TGFBR2: variants seen among roughly 807,000 people sequenced by gnomAD.
TGFBR2 encodes the protein transforming growth factor beta receptor 2, also known as TGF-beta receptor type-2.
Under a neutral mutation model 49.0 loss-of-function variants are expected in TGFBR2, and 18 were observed. That is an observed-to-expected ratio of 0.37 (90% CI 0.25 to 0.54). The LOEUF is 0.54. Among genes scored for constraint, TGFBR2 ranks in the 20% least tolerant of loss-of-function variants. TGFBR2 has a pLI of 0.85. For synonymous variants in TGFBR2, 282 were observed against 275.9 expected (o/e 1.02, Z -0.22); for missense variants, 525 against 722.6 (o/e 0.73, Z 3.13).
At chr3:30,673,146 C>T (rs1420559611) in intron 4 of TGFBR2, among the ~76,000 whole-genome samples, 1 of 152,226 alleles carries the variant, frequency 6.6e-6, no homozygotes, top group East Asian at 1.9e-4. Context: ...CACTCGGTTA[C>T]TGCTCAGTCA....
intron 1 of TGFBR2, among the ~76,000 whole-genome samples, chr3:30,632,687 C>G (rs904413467): frequency 3.9e-5 from 6 of 152,220 alleles, no homozygotes; most frequent in African/African-American, 1.4e-4. Flanking sequence ...GGAATGTTAC[C>G]TTTCTAGCAA....
chr3:30,639,792 A>C (rs1698611944), intron 1 of TGFBR2, among the ~76,000 whole-genome samples: 1 of 152,226 alleles, frequency 6.6e-6, no homozygotes, highest in African/African-American at 2.4e-5. Context: ...CGGTAGATAC[A>C]TGAATTCAAT....
In TGFBR2 at chr3:30,671,634, T is replaced by A. The variant is rs11466512; in HGVS notation, c.455-4T>A. 0.3 allele frequency: 490,968 copies of A among 1,613,682 alleles called. 77,185 individuals are homozygous for A. The highest frequency in any genetic ancestry group is 0.42 in the Admixed American group (24,983 of 60,002). ...CTTCTCTCCTTGTTTTGTTTCCCCATCAGAATATAACACCAGCAATCCTGA... is the reference window on the plus strand; with the variant it reads ...CTTCTCTCCTTGTTTTGTTTCCCCAACAGAATATAACACCAGCAATCCTGA... On this transcript the variant is annotated splice_region_variant and splice_polypyrimidine_tract_variant and intron_variant, in intron 3 of 6. Coordinates refer to ENST00000295754, the MANE Select transcript of TGFBR2 (RefSeq NM_003242.6).
At chr3:30,615,204 G>A (rs1383062034) in intron 1 of TGFBR2, among the ~76,000 whole-genome samples, 7 of 152,152 alleles carry the variant, frequency 4.6e-5, no homozygotes, top group Non-Finnish European at 8.8e-5. Flanking sequence ...CAAATATGTT[G>A]AGGATATAAA....
At chr3:30,627,285 A>G (rs1035318303) in intron 1 of TGFBR2, among the ~76,000 whole-genome samples, 1 of 152,022 alleles carries the variant, frequency 6.6e-6, no homozygotes, top group Non-Finnish European at 1.5e-5. Flanking sequence ...CCTCATAGAC[A>G]TTTTCCTGAC....
chr3:30,621,278 C>CTTTTTT (rs10688941), intron 1 of TGFBR2, among the ~76,000 whole-genome samples: 8 of 116,278 alleles, frequency 6.9e-5, no homozygotes, highest in Non-Finnish European at 1.0e-4. Context: ...TTTTAATATT[C>CTTTTTT]TTTTTTTTTT....
chr3:30,616,339 T>C (rs1160531471), intron 1 of TGFBR2, among the ~76,000 whole-genome samples: 1 of 152,226 alleles, frequency 6.6e-6, no homozygotes, highest in African/African-American at 2.4e-5. Flanking sequence ...ATCATTTTCC[T>C]ACTTTAGAGC....
intron 3 of TGFBR2, among the ~76,000 whole-genome samples, chr3:30,664,143 C>A (rs988007204): frequency 8.9e-6 from 1 of 111,782 alleles, no homozygotes; most frequent in Non-Finnish European, 1.9e-5. Context: ...CCACCACATC[C>A]AGCTAATTTT....
intron 5 of TGFBR2, among the ~76,000 whole-genome samples, chr3:30,680,606 A>G (rs1250226969): frequency 6.6e-6 from 1 of 151,810 alleles, no homozygotes; most frequent in Non-Finnish European, 1.5e-5. Flanking sequence ...GGGTGGGATG[A>G]TTTTAGAAAG....
chr3:30,655,382 G>A (rs961835393), intron 3 of TGFBR2, among the ~76,000 whole-genome samples: 4 of 152,152 alleles, frequency 2.6e-5, no homozygotes, highest in Non-Finnish European at 4.4e-5. Flanking sequence ...TTTAATCCCT[G>A]TTTCATCCAG....
chr3:30,614,364 T>A lies in TGFBR2; in HGVS notation c.94+7387T>A, dbSNP rs556695182. ...TCATTTTAGAGAACTAGGGATTTGG[T>A]TGAACCAACATGAATGCCTTTGAAA... On this transcript the variant is annotated intron_variant, in intron 1 of 6. Transcript: ENST00000295754. 7.4e-4 allele frequency among the ~76,000 whole-genome samples: 113 copies of A among 152,290 alleles called. 1 individual carries two copies. Among genetic ancestry groups the A allele is most frequent in the African/African-American group, 2.6e-3 (107 of 41,556 alleles).
chr3:30,671,832 G>C lies in TGFBR2; in HGVS notation c.649G>C (p.Ala217Pro), dbSNP rs149141477. The change falls in exon 4 of 7, where the codon GCC (alanine) becomes CCC (proline). Residue 217 changes from alanine to proline, a missense_variant. Ala to Pro is a conservative substitution (Grantham distance 27, BLOSUM62 -1). Transcript: ENST00000295754. ...GCTCATGGAGTTCAGCGAGCACTGT[G>C]CCATCATCCTGGAAGATGACCGCTC... Reference protein sequence around the residue: ...RKLMEFSEHCAIILEDDRSDI... With the variant: ...RKLMEFSEHCPIILEDDRSDI... 7.9e-5 allele frequency: 128 copies of C among 1,614,206 alleles called. No individual in the cohort carries two copies. In the African/African-American group the frequency reaches 1.6e-3, roughly 20 times the overall value.
chr3:30,662,514 C>T (rs770390393), intron 3 of TGFBR2, among the ~76,000 whole-genome samples: 21 of 152,156 alleles, frequency 1.4e-4, no homozygotes, highest in Non-Finnish European at 2.2e-4. Context: ...CTTCTTTCAT[C>T]ATTTGAGGAA....
chr3:30,607,802 A>ATATG (rs1697952146), intron 1 of TGFBR2, among the ~76,000 whole-genome samples: 1 of 138,064 alleles, frequency 7.2e-6, no homozygotes. Flanking sequence ...ATAAAAAAAT[A>ATATG]TATATATATA....
At chr3:30,642,814 ATTG>A (rs1387884221) in intron 1 of TGFBR2, among the ~76,000 whole-genome samples, 2 of 152,184 alleles carry the variant, frequency 1.3e-5, no homozygotes, top group African/African-American at 4.8e-5. Context: ...ATACATATTA[ATTG>A]TTGTGTTTCT....
rs148609105 is a variant in TGFBR2, at chr3:30,658,673, CAA to C, written c.454+8215_454+8216del. ...CAGAGAAGAAGACTTCTTGTAGCCACAAAGTTTCATTCCTTCCTCTCTCATTG... is the reference window on the plus strand; with the variant it reads ...CAGAGAAGAAGACTTCTTGTAGCCACAGTTTCATTCCTTCCTCTCTCATTG... On this transcript the variant is annotated intron_variant, in intron 3 of 6. Transcript: ENST00000295754. Among the ~76,000 whole-genome samples the C allele has an allele frequency of 2.9e-3, 439 of 152,312 alleles. 3 individuals carry two copies. Among genetic ancestry groups the C allele is most frequent in the African/African-American group, 0.01 (424 of 41,556 alleles).
intron 1 of TGFBR2, among the ~76,000 whole-genome samples, chr3:30,625,085 C>A (rs1698307481): frequency 6.6e-6 from 1 of 152,082 alleles, no homozygotes; most frequent in African/African-American, 2.4e-5. Flanking sequence ...TTATATAATT[C>A]TTTAAAAACT....
In TGFBR2 at chr3:30,668,774, A is replaced by AT. The variant is rs933328147; in HGVS notation, c.455-2854dup. On this transcript the variant is annotated intron_variant, in intron 3 of 6. Transcript: ENST00000295754. ...TCATATATCTTTCCAAAAAATGGTGATTTTTTTTTTCCCTCTTGGTTGCTG... is the reference window on the plus strand; with the variant it reads ...TCATATATCTTTCCAAAAAATGGTGATTTTTTTTTTTCCCTCTTGGTTGCTG... Among the ~76,000 whole-genome samples, 234 of 148,752 alleles carry AT rather than the reference A, an allele frequency of 1.6e-3. No homozygotes were observed. In the South Asian group the frequency reaches 0.024, roughly 15 times the overall value.
In TGFBR2 at chr3:30,636,069, CTTG is replaced by C. The variant is rs762436850; in HGVS notation, c.95-8673_95-8671del. ...CCAACCTGGTGTTTGTTTTAGATGT[CTTG>C]TTGTGTGGAGAGTATCCCAGACATT... is the stretch of plus-strand genomic sequence containing the variant. On this transcript the variant is annotated intron_variant, in intron 1 of 6. Coordinates refer to ENST00000295754, the MANE Select transcript of TGFBR2 (RefSeq NM_003242.6). Among the ~76,000 whole-genome samples, 83 of 151,782 alleles carry C rather than the reference CTTG, an allele frequency of 5.5e-4. 1 individual carries two copies. The highest frequency in any genetic ancestry group is 9.6e-4 in the Non-Finnish European group (65 of 67,960).
Sources: gnomAD v4.1 joint callset for allele counts (sites outside exome capture counted in the v4.1 genomes callset) on GRCh38, gnomAD v4.1.1 for gene constraint, MANE v1.5 for transcripts, NCBI Gene and HGNC (gene_info 2026-07-23, HGNC 2026-07-21) for gene names.